Variants in TRIM36 observed in about 807,000 individuals in gnomAD.
TRIM36 encodes tripartite motif containing 36.
TRIM36 carries 42 observed loss-of-function variants against 72.4 expected under a neutral mutation model. That is an observed-to-expected ratio of 0.58 (90% CI 0.45 to 0.75). The LOEUF is 0.75. Among genes scored for constraint, TRIM36 ranks in the 30% least tolerant of loss-of-function variants. TRIM36 has a pLI of 0.00. For missense variants in TRIM36, 913 were observed against 857.1 expected (o/e 1.07, Z -0.81); for synonymous variants, 315 against 282.8 (o/e 1.11, Z -1.14).
intron 3 of TRIM36, 121 bp from the exon 4 acceptor site, chr5:115,144,865 A>C (rs1026115179): frequency 3.7e-6 from 4 of 1,087,462 alleles, no homozygotes; most frequent in Non-Finnish European, 5.2e-6. Flanking sequence ...GTGAATATGA[A>C]TGTAAAAAGA....
intron 1 of TRIM36, among the ~76,000 whole-genome samples, chr5:115,164,224 A>T (rs116500611): frequency 0.02 from 3,010 of 152,284 alleles, 123 homozygotes; most frequent in African/African-American, 0.068. Context: ...GTTCATGGAA[A>T]CCTAGTTGGT....
rs141189315 is a variant in TRIM36, at chr5:115,163,623, C to G, written c.157G>C (p.Asp53His). The G allele has an allele frequency of 9.0e-5, 145 of 1,613,950 alleles. No individual in the cohort carries two copies. Among genetic ancestry groups the G allele is most frequent in the Non-Finnish European group, 1.2e-4 (137 of 1,180,008 alleles). ...GATCCCACATCGTTGAATGAATCAT[C>G]GAGAGTCAGCAGGAGTTCTTTTACA... Reference protein sequence around the residue: ...KCVKELLLTLDDSFNDVGSDN... With the variant: ...KCVKELLLTLHDSFNDVGSDN... The change falls in exon 2 of 10, where the codon GAT (aspartate) becomes CAT (histidine). Residue 53 changes from aspartate (D) to histidine (H), a missense_variant. Coordinates refer to ENST00000513154, the MANE Select transcript of TRIM36 (RefSeq NM_001300759.2).
At chr5:115,147,457 G>C (rs1421032529) in intron 2 of TRIM36, 63 bp from the exon 3 acceptor site, 4 of 1,523,728 alleles carry the variant, frequency 2.6e-6, no homozygotes, top group Non-Finnish European at 3.6e-6. Context: ...ATGAAGAAAA[G>C]AGGAGTCATG....
chr5:115,145,453 T>C (rs931156572), intron 3 of TRIM36, among the ~76,000 whole-genome samples: 90 of 152,314 alleles, frequency 5.9e-4, no homozygotes, highest in African/African-American at 2.0e-3. Flanking sequence ...AAATCAAAAG[T>C]TGTTAAAGAT....
chr5:115,141,216 A>C (rs1561427393), intron 5 of TRIM36, 63 bp downstream of exon 5: 10 of 1,210,708 alleles, frequency 8.3e-6, no homozygotes, highest in Non-Finnish European at 1.2e-5. Context: ...TTTATGAACA[A>C]ATGAATGAAT....
chr5:115,171,010 TA>T, upstream of TRIM36: 1 of 1,561,772 alleles, frequency 6.4e-7, no homozygotes, highest in Non-Finnish European at 8.7e-7. Context: ...TCTGGCTAGC[TA>T]AACAATTCAT....
chr5:115,160,144 CA>C (rs1460653560), intron 2 of TRIM36, among the ~76,000 whole-genome samples: 2 of 151,726 alleles, frequency 1.3e-5, no homozygotes, highest in East Asian at 3.9e-4. Flanking sequence ...TTTATTTGTA[CA>C]TAATTTAATA....
At chr5:115,161,658 G>A (rs760351559) in intron 2 of TRIM36, among the ~76,000 whole-genome samples, 12 of 152,318 alleles carry the variant, frequency 7.9e-5, no homozygotes, top group Admixed American at 1.3e-4. Context: ...ACTGCCAAGT[G>A]GTTACTGCCC....
At chr5:115,145,533 T>TTATTTATTTATTTATTTATC (rs577352835) in intron 3 of TRIM36, among the ~76,000 whole-genome samples, 1 of 151,722 alleles carries the variant, frequency 6.6e-6, no homozygotes, top group African/African-American at 2.4e-5. Flanking sequence ...ATTTATTTAT[T>TTATTTATTTATTTATTTATC]TATTTATTTT....
chr5:115,170,002 G>A (rs928115349), upstream of TRIM36: 22 of 1,089,970 alleles, frequency 2.0e-5, no homozygotes, highest in Non-Finnish European at 2.2e-5. Flanking sequence ...AGCGCCAGTC[G>A]CACAAAAGAG....
At chr5:115,171,933 G>A (rs1348189192), upstream of TRIM36, among the ~76,000 whole-genome samples, 1 of 152,150 alleles carries the variant, frequency 6.6e-6, no homozygotes, top group Non-Finnish European at 1.5e-5. Flanking sequence ...CAGATCATTT[G>A]GTGGTATTTT....
At chr5:115,154,432 A>G (rs1754061426) in intron 2 of TRIM36, among the ~76,000 whole-genome samples, 1 of 152,174 alleles carries the variant, frequency 6.6e-6, no homozygotes, top group African/African-American at 2.4e-5. Flanking sequence ...AATAAAATTG[A>G]TACACCATTA....
chr5:115,164,573 A>G (rs915640580), intron 1 of TRIM36, among the ~76,000 whole-genome samples: 2 of 152,180 alleles, frequency 1.3e-5, no homozygotes, highest in African/African-American at 4.8e-5. Flanking sequence ...ATCTTATGAG[A>G]ATTCGCTATC....
intron 4 of TRIM36, 53 bp from the exon 5 acceptor site, chr5:115,141,427 C>A: frequency 5.9e-6 from 8 of 1,353,468 alleles, no homozygotes; most frequent in Non-Finnish European, 8.1e-6. Context: ...TTAGCAAAGA[C>A]TTTGCAGAAT....
upstream of TRIM36, among the ~76,000 whole-genome samples, chr5:115,172,597 G>A (rs1206111389): frequency 1.3e-5 from 2 of 152,082 alleles, no homozygotes; most frequent in East Asian, 1.9e-4. Context: ...TTAGCCTGGC[G>A]TGGTGGCACA....
Position 115,137,051 on chromosome 5 carries a change from T to C in TRIM36, c.1159A>G (p.Asn387Asp). The C allele has an allele frequency of 6.2e-7, 1 of 1,611,710 alleles. No homozygotes were observed. Among genetic ancestry groups the C allele is most frequent in the Non-Finnish European group, 8.5e-7 (1 of 1,179,140 alleles). The change falls in exon 7 of 10, where the codon AAT (asparagine) becomes GAT (aspartate). Residue 387 changes from asparagine to aspartate, a missense_variant. Physicochemically the swap from Asn to Asp is conservative, Grantham distance 23 (BLOSUM62 1). Coordinates refer to ENST00000513154, the MANE Select transcript of TRIM36 (RefSeq NM_001300759.2). ...AGAAGTTCTGTTTGTTTAGAGGTATTAACAACATAGTCTTCAAAAGAAGTC... is the reference window on the plus strand; with the variant it reads ...AGAAGTTCTGTTTGTTTAGAGGTATCAACAACATAGTCTTCAAAAGAAGTC... ...AQTSFEDYVV[N>D]TSKQTELLGE...
intron 9 of TRIM36, among the ~76,000 whole-genome samples, chr5:115,127,748 G>C (rs1430739132): frequency 6.6e-6 from 1 of 152,090 alleles, no homozygotes; most frequent in African/African-American, 2.4e-5. Context: ...ACTGTTACTG[G>C]CTCATGTATT....
upstream of TRIM36, among the ~76,000 whole-genome samples, chr5:115,173,522 A>G (rs1755207942): frequency 6.7e-6 from 1 of 148,412 alleles, no homozygotes; most frequent in African/African-American, 2.5e-5. Flanking sequence ...GTGTATTTGA[A>G]TGTGTGTGTG....
chr5:115,152,032 T>A lies in TRIM36; in HGVS notation c.263-4638A>T, dbSNP rs115218150. 3.5e-3 allele frequency among the ~76,000 whole-genome samples: 535 copies of A among 152,174 alleles called. 2 individuals are homozygous for A. In the Middle Eastern group the frequency reaches 0.044, roughly 13 times the overall value. On this transcript the variant is annotated intron_variant, in intron 2 of 9. Transcript: ENST00000513154. ...GACCCAAACAAGAAGAAATCCTTGA[T>A]TTACCTGAAAAAGAATCCAGAAGGT...
Sources: gnomAD v4.1 joint callset for allele counts (sites outside exome capture counted in the v4.1 genomes callset) on GRCh38, gnomAD v4.1.1 for gene constraint, MANE v1.5 for transcripts, NCBI Gene and HGNC (gene_info 2026-07-23, HGNC 2026-07-21) for gene names.